ATG5: variants seen among roughly 807,000 people sequenced by gnomAD.
ATG5 encodes autophagy protein 5.
In ATG5, 14 loss-of-function variants were observed where a neutral mutation model predicts 36.5. The ratio of observed to expected loss-of-function variants is 0.38; its 90% CI spans 0.25 to 0.60. The LOEUF (loss-of-function observed/expected upper bound fraction) is 0.60, where lower values mean the gene tolerates loss of function less well. Among genes scored for constraint, ATG5 ranks in the 20% least tolerant of loss-of-function variants. The probability of loss-of-function intolerance (pLI) is 0.60; values close to 1 mark genes in which losing one functional copy is unlikely to be tolerated. For synonymous variants in ATG5, 95 were observed against 101.5 expected (o/e 0.94, Z 0.38); for missense variants, 195 against 326.7 (o/e 0.60, Z 3.11).
intron 6 of ATG5, among the ~76,000 whole-genome samples, chr6:106,206,248 C>T (rs1465118695): frequency 6.8e-6 from 1 of 146,724 alleles, no homozygotes; most frequent in Non-Finnish European, 1.5e-5. Context: ...GCCCCTTCTG[C>T]CATGTTGGGG....
chr6:106,292,899 C>T (rs901081486), intron 4 of ATG5, 129 bp downstream of exon 4: 14 of 689,802 alleles, frequency 2.0e-5, no homozygotes, highest in Middle Eastern at 2.9e-4. Context: ...AAATACTAAT[C>T]GAAGCTTAGC....
chr6:106,288,483 A>C (rs879901766), intron 4 of ATG5, among the ~76,000 whole-genome samples: 2 of 152,150 alleles, frequency 1.3e-5, no homozygotes, highest in African/African-American at 4.8e-5. Context: ...AACACTCTAC[A>C]ATTATATTTA....
rs149616923 is a variant in ATG5 at position 106,251,850 on chromosome 6, T to C, written c.479-3606A>G. Among the ~76,000 whole-genome samples, 1,272 of 151,878 alleles carry C rather than the reference T, an allele frequency of 8.4e-3. 13 individuals carry two copies. The highest frequency in any genetic ancestry group is 0.028 in the African/African-American group (1,151 of 41,384). ...CTTTCACAATGGATTTTTTTGTTCC[T>C]TTTAAAAAGAGACAGAGTCTCGCTC... is the stretch of plus-strand genomic sequence containing the variant. On this transcript the variant is annotated intron_variant, in intron 5 of 7. Coordinates refer to ENST00000369076, the MANE Select transcript of ATG5 (RefSeq NM_004849.4).
intron 3 of ATG5, among the ~76,000 whole-genome samples, chr6:106,295,449 T>G (rs921605487): frequency 3.9e-5 from 6 of 152,286 alleles, no homozygotes; most frequent in East Asian, 3.9e-4. Flanking sequence ...TTACTAGCAA[T>G]CCAGTGTTTT....
At chr6:106,215,659 A>T (rs941363387) in intron 6 of ATG5, among the ~76,000 whole-genome samples, 4 of 151,810 alleles carry the variant, frequency 2.6e-5, no homozygotes, top group Non-Finnish European at 5.9e-5. Flanking sequence ...AAAATTCTTT[A>T]AAAAAAATAT....
chr6:106,217,089 T>A (rs12203594), intron 6 of ATG5, among the ~76,000 whole-genome samples: 42 of 152,116 alleles, frequency 2.8e-4, no homozygotes, highest in African/African-American at 7.7e-4. Context: ...GTGGGTTTTT[T>A]AAAAAAATTA....
At chr6:106,267,787 T>C (rs1471850233) in intron 5 of ATG5, among the ~76,000 whole-genome samples, 2 of 152,216 alleles carry the variant, frequency 1.3e-5, no homozygotes, top group African/African-American at 2.4e-5. Flanking sequence ...GCTAGCCATA[T>C]GCAGAAAACA....
intron 5 of ATG5, among the ~76,000 whole-genome samples, chr6:106,271,328 G>A (rs1350595090): frequency 6.6e-6 from 1 of 152,166 alleles, no homozygotes; most frequent in Non-Finnish European, 1.5e-5. Flanking sequence ...AGATAAAGTG[G>A]TGGGGCATTT....
At chr6:106,244,177 G>C (rs1305504824) in intron 6 of ATG5, among the ~76,000 whole-genome samples, 3 of 151,824 alleles carry the variant, frequency 2.0e-5, no homozygotes, top group Non-Finnish European at 2.9e-5. Flanking sequence ...TGTTTTATCA[G>C]CTTCTTGTTT....
chr6:106,300,079 C>T (rs1770142495), intron 3 of ATG5, among the ~76,000 whole-genome samples: 2 of 152,254 alleles, frequency 1.3e-5, no homozygotes, highest in South Asian at 4.1e-4. Flanking sequence ...TGAAAAAGTT[C>T]AAAAATAATG....
At chr6:106,228,623 A>G (rs1325809056) in intron 6 of ATG5, among the ~76,000 whole-genome samples, 1 of 152,236 alleles carries the variant, frequency 6.6e-6, no homozygotes, top group Non-Finnish European at 1.5e-5. Context: ...TCTGGGAGCA[A>G]GGACCCCCTG....
At chr6:106,193,734 A>C (rs1416653404) in intron 7 of ATG5, among the ~76,000 whole-genome samples, 3 of 152,232 alleles carry the variant, frequency 2.0e-5, no homozygotes, top group African/African-American at 7.2e-5. Flanking sequence ...GGGTCCATTA[A>C]TATTTGTCAA....
intron 6 of ATG5, chr6:106,217,675 A>G (rs1213217807): frequency 6.6e-6 from 1 of 152,240 alleles, no homozygotes. Context: ...ATCTGGCATT[A>G]CAAAAGAACA....
chr6:106,220,352 G>C (rs544111320), intron 6 of ATG5, among the ~76,000 whole-genome samples: 1 of 152,124 alleles, frequency 6.6e-6, no homozygotes, highest in East Asian at 1.9e-4. Flanking sequence ...GCACTGCAAA[G>C]CAAAAGTATA....
chr6:106,247,952 A>C (rs1474611964), intron 6 of ATG5, among the ~76,000 whole-genome samples, 198 bp downstream of exon 6: 1 of 152,242 alleles, frequency 6.6e-6, no homozygotes, highest in African/African-American at 2.4e-5. Context: ...AAATCTACAA[A>C]TAATGAGTAC....
chr6:106,240,109 C>T (rs1554218042), intron 6 of ATG5, among the ~76,000 whole-genome samples: 4 of 151,840 alleles, frequency 2.6e-5, no homozygotes, highest in Non-Finnish European at 5.9e-5. Context: ...GCTCCCACCA[C>T]AGAATCCCAA....
intron 3 of ATG5, among the ~76,000 whole-genome samples, chr6:106,306,352 T>G (rs905048907): frequency 1.3e-5 from 2 of 152,222 alleles, no homozygotes; most frequent in Admixed American, 1.3e-4. Flanking sequence ...GATGATGACT[T>G]AGCAATCACT....
At chr6:106,239,976 C>A (rs544310463) in intron 6 of ATG5, among the ~76,000 whole-genome samples, 6 of 152,124 alleles carry the variant, frequency 3.9e-5, no homozygotes, top group African/African-American at 1.4e-4. Context: ...CTATCTCACA[C>A]AACACATTGT....
At chr6:106,303,392 A>C (rs986704569) in intron 3 of ATG5, among the ~76,000 whole-genome samples, 1 of 152,124 alleles carries the variant, frequency 6.6e-6, no homozygotes, top group African/African-American at 2.4e-5. Context: ...GAGTAGATCT[A>C]TATATATCAA....
Sources: gnomAD v4.1 joint callset for allele counts (sites outside exome capture counted in the v4.1 genomes callset) on GRCh38, gnomAD v4.1.1 for gene constraint, MANE v1.5 for transcripts, NCBI Gene and HGNC (gene_info 2026-07-23, HGNC 2026-07-21) for gene names.